UCK2: variants seen among roughly 807,000 people sequenced by gnomAD.
The protein encoded by UCK2 is uridine-cytidine kinase 2.
Under a neutral mutation model 30.8 loss-of-function variants are expected in UCK2, and 6 were observed. The ratio of observed to expected loss-of-function variants is 0.19; its 90% CI spans 0.11 to 0.38. UCK2 has a LOEUF of 0.38. Ranked by LOEUF, UCK2 falls within the 10% of genes least tolerant of loss-of-function variation. The probability of loss-of-function intolerance (pLI) is 1.00; values close to 1 mark genes in which losing one functional copy is unlikely to be tolerated. For missense variants in UCK2, 210 were observed against 339.8 expected (o/e 0.62, Z 3.00); for synonymous variants, 125 against 133.6 (o/e 0.94, Z 0.45).
intron 5 of UCK2, among the ~76,000 whole-genome samples, chr1:165,905,184 G>A (rs12569109): frequency 0.29 from 43,616 of 152,126 alleles, 6,596 homozygotes; most frequent in South Asian, 0.47. Flanking sequence ...AGTGTTCAGC[G>A]TTAGAAATGA....
chr1:165,834,523 A>G (rs1654141346), intron 1 of UCK2, among the ~76,000 whole-genome samples: 1 of 152,168 alleles, frequency 6.6e-6, no homozygotes, highest in Non-Finnish European at 1.5e-5. Context: ...TGAAAAATAT[A>G]AAGAACCATA....
chr1:165,895,562 C>G (rs1215015572), intron 3 of UCK2: 50 of 985,548 alleles, frequency 5.1e-5, no homozygotes, highest in Middle Eastern at 5.2e-4. Flanking sequence ...CAGGATTGAC[C>G]TGTGGCCACT....
At position 165,888,736 on chromosome 1, in the gene UCK2, G is replaced by A. The variant is rs558112869; in HGVS notation, c.100-1468G>A. On this transcript the variant is annotated intron_variant, in intron 1 of 6. Transcript: ENST00000367879. The stretch of plus-strand genomic sequence containing the variant: ...GACCTCAAGCAATCCACCCCCTTCA[G>A]CCTCCCAAAGTTATGGGATTACAGG... Among the ~76,000 whole-genome samples the A allele has an allele frequency of 5.8e-3, 772 of 134,256 alleles. 6 individuals carry two copies. Among genetic ancestry groups the A allele is most frequent in the African/African-American group, 0.02 (705 of 35,770 alleles). The allele number at this position is 134,256 out of a possible 152,430, so 88.1% of individuals were successfully genotyped here. A position where few individuals can be genotyped will look rare whatever the true frequency, so the allele number is the denominator to read the frequency against.
At chr1:165,902,591 G>GCTTTTTTTTTTTT (rs1557850463) in intron 4 of UCK2, 1 of 38,896 alleles carries the variant, frequency 2.6e-5, no homozygotes, top group Non-Finnish European at 7.0e-5. Context: ...TTCACTGAGT[G>GCTTTTTTTTTTTT]ATTTTTTTTT....
chr1:165,898,167 A>G (rs1647332899), intron 4 of UCK2, among the ~76,000 whole-genome samples: 1 of 152,236 alleles, frequency 6.6e-6, no homozygotes, highest in East Asian at 1.9e-4. Flanking sequence ...TTAGAGAGGC[A>G]GTGTGATACA....
chr1:165,867,195 C>T (rs1443945557), intron 1 of UCK2, among the ~76,000 whole-genome samples: 3 of 152,178 alleles, frequency 2.0e-5, no homozygotes, highest in Non-Finnish European at 4.4e-5. Context: ...GTTTAAAATG[C>T]TTTATTGCTA....
At chr1:165,904,155 T>C (rs3790672) in intron 5 of UCK2, 36,832 of 152,168 alleles carry the variant, frequency 0.24, 5,354 homozygotes, top group East Asian at 0.49. Context: ...TCTGAAGACA[T>C]TGAAGATTTA....
intron 6 of UCK2, 109 bp from the exon 7 acceptor site, chr1:165,907,575 G>A: frequency 6.9e-7 from 1 of 1,456,612 alleles, no homozygotes; most frequent in Non-Finnish European, 9.2e-7. Context: ...CACTTCCCTG[G>A]AAGTCTTTCT....
In UCK2 at chr1:165,827,623, A is replaced by C. The variant is rs866873067; in HGVS notation, c.-211A>C. 4.6e-4 allele frequency: 178 copies of C among 382,936 alleles called. 2 individuals carry two copies. In the South Asian group the frequency reaches 0.019, roughly 40 times the overall value. The allele number at this position is 382,936 out of a possible 1,614,324, so 23.7% of individuals were successfully genotyped here. On this transcript the variant is annotated 5_prime_UTR_variant, in exon 1 of 7. Transcript: ENST00000367879. ...GACCTCTGCCTGGGATGTAAACCGG[A>C]CCAGCCGCTGCGGGCAAAGGAAGGC...
intron 1 of UCK2, among the ~76,000 whole-genome samples, chr1:165,835,293 C>A (rs994396121): frequency 6.8e-6 from 1 of 146,710 alleles, no homozygotes; most frequent in African/African-American, 2.7e-5. Flanking sequence ...GAGAATTCTT[C>A]ATCCCATTTT....
intron 1 of UCK2, among the ~76,000 whole-genome samples, chr1:165,860,838 A>G (rs887111029): frequency 1.3e-5 from 2 of 152,002 alleles, no homozygotes; most frequent in Non-Finnish European, 2.9e-5. Context: ...GTGGTGGTCA[A>G]CTCCAAGAGA....
intron 1 of UCK2, among the ~76,000 whole-genome samples, chr1:165,850,695 T>C (rs1197319961): frequency 3.3e-5 from 5 of 149,790 alleles, no homozygotes; most frequent in Admixed American, 1.3e-4. Flanking sequence ...CTTGGCCCAC[T>C]GCAAGCTCCG....
intron 1 of UCK2, among the ~76,000 whole-genome samples, chr1:165,870,881 G>A (rs1432859976): frequency 1.3e-5 from 2 of 152,210 alleles, no homozygotes; most frequent in Non-Finnish European, 2.9e-5. Flanking sequence ...GCAGTGGCAC[G>A]ATCTTGGCTC....
chr1:165,865,134 T>A (rs903212871), intron 1 of UCK2, among the ~76,000 whole-genome samples: 1 of 152,230 alleles, frequency 6.6e-6, no homozygotes, highest in African/African-American at 2.4e-5. Context: ...GTACTAAAAC[T>A]TAACAACCCC....
chr1:165,886,251 C>T (rs376661205), intron 1 of UCK2, among the ~76,000 whole-genome samples: 109 of 152,294 alleles, frequency 7.2e-4, no homozygotes, highest in African/African-American at 2.6e-3. Flanking sequence ...CCTGCCTTCT[C>T]AAACCCTGGT....
chr1:165,865,830 G>A (rs1212070439), intron 1 of UCK2, among the ~76,000 whole-genome samples: 2 of 152,142 alleles, frequency 1.3e-5, no homozygotes, highest in South Asian at 2.1e-4. Flanking sequence ...AAGAACACTC[G>A]CACAATGAGA....
At chr1:165,894,185 C>T (rs191146823) in intron 3 of UCK2, 2 of 152,320 alleles carry the variant, frequency 1.3e-5, no homozygotes, top group East Asian at 3.9e-4. Context: ...ATTCTAAACA[C>T]CTAAGCATTT....
At chr1:165,851,580 C>T (rs1010153398) in intron 1 of UCK2, among the ~76,000 whole-genome samples, 2 of 152,082 alleles carry the variant, frequency 1.3e-5, no homozygotes, top group Admixed American at 6.6e-5. Context: ...AAAATGTAAC[C>T]GTTTCAGGGC....
At chr1:165,872,785 G>A (rs1655230111) in intron 1 of UCK2, among the ~76,000 whole-genome samples, 2 of 152,222 alleles carry the variant, frequency 1.3e-5, no homozygotes, top group African/African-American at 2.4e-5. Context: ...GCGTGTATTA[G>A]TGTCTGTGTT....
Sources: allele counts gnomAD v4.1 joint callset (sites outside exome capture counted in the v4.1 genomes callset), GRCh38; gene constraint gnomAD v4.1.1; transcripts MANE v1.5; gene names NCBI Gene and HGNC (gene_info 2026-07-23, HGNC 2026-07-21).